The following AKAP9 variants were observed in gnomAD, a reference collection of about 807,000 sequenced individuals.
The protein encoded by AKAP9 is A-kinase anchoring protein 9.
In AKAP9, 311 loss-of-function variants were observed where a neutral mutation model predicts 488.5. The observed-to-expected ratio is 0.64, with a 90% confidence interval of 0.58 to 0.70. The LOEUF (loss-of-function observed/expected upper bound fraction) is 0.70, where lower values mean the gene tolerates loss of function less well. AKAP9 is among the 30% of genes least tolerant of loss of function. AKAP9 has a pLI of 0.00. For synonymous variants in AKAP9, 1,462 were observed against 1,483.5 expected, an observed-to-expected ratio of 0.99 and a Z score of 0.33; for missense variants, 4,215 against 4,374.5, an observed-to-expected ratio of 0.96 and a Z score of 1.03.
chr7:91,984,169 C>T (rs1359810254), intron 3 of AKAP9, among the ~76,000 whole-genome samples: 4 of 152,154 alleles, frequency 2.6e-5, no homozygotes, highest in African/African-American at 9.7e-5. Context: ...GCTTTTGTTG[C>T]TATTGCTTTT....
In AKAP9 at chr7:92,003,199, A is replaced by C. The variant is rs757599208; in HGVS notation, c.3282A>C (p.Lys1094Asn). 2.5e-6 allele frequency: 4 copies of C among 1,610,346 alleles called. 1 individual carries two copies. The South Asian group carries it at 4.4e-5, about 18-fold the overall frequency. Reference sequence around the variant, plus strand: ...CAACTCAACCAAGTGAAAATGATAAACTTCAGAAAGAACTCAATGTACTTA... The same window carrying C: ...CAACTCAACCAAGTGAAAATGATAACCTTCAGAAAGAACTCAATGTACTTA... The part of the protein sequence containing the change: ...LRATQPSEND[K>N]LQKELNVLKS... Residue 1094 changes from lysine (K) to asparagine (N), a missense_variant, in exon 8 of 50, where the codon AAA becomes AAC. Around this residue, in one of 5 missense-constraint regions of AKAP9, gnomAD observed 2,361 missense variants for 2,430.0 expected, o/e 0.97. Coordinates refer to ENST00000356239, the MANE Select transcript of AKAP9 (RefSeq NM_005751.5).
intron 1 of AKAP9, among the ~76,000 whole-genome samples, chr7:91,954,577 A>G (rs1245920895): frequency 6.6e-6 from 1 of 152,240 alleles, no homozygotes; most frequent in East Asian, 1.9e-4. Flanking sequence ...CCCAGTAAAT[A>G]TACTTTAAAA....
At chr7:91,941,320 A>T (rs975096050) in intron 1 of AKAP9, among the ~76,000 whole-genome samples, 173 bp downstream of exon 1, 5 of 152,000 alleles carry the variant, frequency 3.3e-5, no homozygotes, top group African/African-American at 1.2e-4. Flanking sequence ...CCCTTTTTCC[A>T]GTTGGGGGAC....
intron 8 of AKAP9, among the ~76,000 whole-genome samples, chr7:92,003,974 T>C (rs1218166786): frequency 1.3e-5 from 2 of 152,198 alleles, no homozygotes; most frequent in African/African-American, 2.4e-5. Context: ...CAAGTACGAA[T>C]ATAGTGGCCA....
At position 91,995,707 on chromosome 7, in the gene AKAP9, A is replaced by G; in HGVS notation, c.837A>G (p.Glu279=). The change falls in exon 7 of 50, where the codon GAA becomes GAG. Residue 279 remains glutamate (E), a synonymous_variant. Coordinates refer to ENST00000356239, the MANE Select transcript of AKAP9 (RefSeq NM_005751.5). The part of the protein sequence containing the change: ...QILTHQQQLE[E]QDHLLEDYQK... ...TCACTCATCAACAGCAGCTTGAAGAACAAGACCACTTATTAGAAGATTATC... is the reference window on the plus strand; with the variant it reads ...TCACTCATCAACAGCAGCTTGAAGAGCAAGACCACTTATTAGAAGATTATC... 1 of 1,614,022 alleles carries G rather than the reference A, an allele frequency of 6.2e-7. No homozygotes were observed. Among genetic ancestry groups the G allele is most frequent in the South Asian group, 1.1e-5 (1 of 91,084 alleles).
At chr7:91,974,544 G>A (rs1224176289) in intron 2 of AKAP9, among the ~76,000 whole-genome samples, 1 of 152,172 alleles carries the variant, frequency 6.6e-6, no homozygotes, top group East Asian at 1.9e-4. Flanking sequence ...GTAAGTGTGA[G>A]TCTTCCAACT....
rs769758632 is a variant in AKAP9, at chr7:92,096,334, G to GTTT, written c.9730-340_9730-338dup. On this transcript the variant is annotated intron_variant, in intron 40 of 49. Transcript: ENST00000356239. ...GTTGTATACTTCTGAAGTTTTTTTT[G>GTTT]TTTTTTTTTTTTTTTTTGAGTCAAA... Among the ~76,000 whole-genome samples the GTTT allele has an allele frequency of 7.6e-4, 94 of 123,960 alleles. No individual in the cohort carries two copies. In the East Asian group the frequency reaches 0.014, roughly 18 times the overall value. 81.3% of individuals were successfully genotyped at this position (123,960 alleles called of 152,430 possible). A position where few individuals can be genotyped will look rare whatever the true frequency, so the allele number is the denominator to read the frequency against.
intron 36 of AKAP9, 105 bp downstream of exon 36, chr7:92,085,791 C>CTA (rs761297651): frequency 5.5e-4 from 478 of 861,764 alleles, no homozygotes; most frequent in African/African-American, 2.4e-3. Flanking sequence ...GCATGAATAA[C>CTA]TATATATATA....
At chr7:91,989,347 T>G (rs1797490710) in intron 3 of AKAP9, among the ~76,000 whole-genome samples, 1 of 152,198 alleles carries the variant, frequency 6.6e-6, no homozygotes, top group African/African-American at 2.4e-5. Context: ...TGTATCCTAT[T>G]ATGTACACTA....
intron 16 of AKAP9, among the ~76,000 whole-genome samples, chr7:92,035,302 T>C (rs574948454): frequency 6.6e-6 from 1 of 152,372 alleles, no homozygotes; most frequent in East Asian, 1.9e-4. Flanking sequence ...TTTTTAAGTT[T>C]CTTTGTGGTC....
chr7:91,971,292 A>T (rs1479287622), intron 1 of AKAP9, among the ~76,000 whole-genome samples: 2 of 152,100 alleles, frequency 1.3e-5, no homozygotes, highest in Non-Finnish European at 2.9e-5. Flanking sequence ...CTGTTCAGCA[A>T]ATCTTTCTCA....
At chr7:92,086,503 TAAG>T in intron 37 of AKAP9, 87 bp downstream of exon 37, 2 of 1,107,894 alleles carry the variant, frequency 1.8e-6, no homozygotes, top group South Asian at 2.6e-5. Flanking sequence ...GTATGAAGGT[TAAG>T]ATTTTAATAG....
At chr7:92,050,282 A>C (rs1807754351) in intron 21 of AKAP9, among the ~76,000 whole-genome samples, 1 of 151,594 alleles carries the variant, frequency 6.6e-6, no homozygotes, top group South Asian at 2.1e-4. Context: ...TTTTTAGTAG[A>C]GATGGAGTTT....
chr7:92,062,855 C>T (rs1810123046), intron 24 of AKAP9, among the ~76,000 whole-genome samples: 1 of 152,092 alleles, frequency 6.6e-6, no homozygotes, highest in Admixed American at 6.6e-5. Flanking sequence ...TCTAAAAGCA[C>T]TGATCTGGCA....
intron 42 of AKAP9, 23 bp from the exon 43 acceptor site, chr7:92,098,086 G>A: frequency 1.3e-5 from 20 of 1,507,552 alleles, no homozygotes; most frequent in Non-Finnish European, 1.8e-5. Context: ...GGTATGTTTT[G>A]ACTTTTTGTC....
At position 91,973,691 on chromosome 7, in the gene AKAP9, G is replaced by A; in HGVS notation, c.49-20G>A. On this transcript the variant is annotated intron_variant, in intron 1 of 49. Transcript: ENST00000356239. ...AGAAAAATTATCTTTGACAATAACG[G>A]TTATTTTCTTTTTTCTTAGCTTGCC... The A allele has an allele frequency of 6.2e-7, 1 of 1,611,556 alleles. No individual in the cohort carries two copies. Among genetic ancestry groups the A allele is most frequent in the Non-Finnish European group, 8.5e-7 (1 of 1,178,924 alleles).
In AKAP9 at chr7:91,993,065, T is replaced by C; in HGVS notation, c.576+10T>C. The C allele has an allele frequency of 6.2e-7, 1 of 1,613,988 alleles. No individual in the cohort carries two copies. Among genetic ancestry groups the C allele is most frequent in the Non-Finnish European group, 8.5e-7 (1 of 1,179,888 alleles). On this transcript the variant is annotated intron_variant, in intron 5 of 49. Coordinates refer to ENST00000356239, the MANE Select transcript of AKAP9 (RefSeq NM_005751.5). The stretch of plus-strand genomic sequence containing the variant: ...TGAAGGACTGCAGCAGGTATGTTTA[T>C]TTTCTGTGGCTTTTGATTTGCTACT...
chr7:92,058,800 A>G (rs1809251214), intron 22 of AKAP9, among the ~76,000 whole-genome samples: 1 of 152,048 alleles, frequency 6.6e-6, no homozygotes, highest in African/African-American at 2.4e-5. Flanking sequence ...AAATGTTTAC[A>G]ATCATATGTT....
chr7:92,007,798 A>G (rs906543518), intron 8 of AKAP9, among the ~76,000 whole-genome samples: 2 of 152,250 alleles, frequency 1.3e-5, no homozygotes, highest in African/African-American at 4.8e-5. Context: ...TGTATAGTTT[A>G]TCTGGAAGAA....
Sources: gnomAD v4.1 joint callset for allele counts (sites outside exome capture counted in the v4.1 genomes callset) on GRCh38, gnomAD v4.1.1 for gene constraint, gnomAD v4.1.1 regional missense constraint, MANE v1.5 for transcripts, NCBI Gene and HGNC (gene_info 2026-07-23, HGNC 2026-07-21) for gene names.